ALAD: variants seen among roughly 807,000 people sequenced by gnomAD.
The protein encoded by ALAD is delta-aminolevulinic acid dehydratase.
In ALAD, 20 loss-of-function variants were observed where a neutral mutation model predicts 44.4. That is an observed-to-expected ratio of 0.45 (90% CI 0.32 to 0.65). The LOEUF is 0.65. ALAD is among the 30% of genes least tolerant of loss of function. ALAD has a pLI of 0.05. For missense variants in ALAD, 323 were observed against 445.7 expected (o/e 0.72, Z 2.48); for synonymous variants, 156 against 167.9 (o/e 0.93, Z 0.55).
rs954642797 is a variant in ALAD at position 113,390,850 on chromosome 9, G to A, written c.345C>T (p.Leu115=). 6.2e-7 allele frequency: 1 copy of A among 1,614,014 alleles called. No individual in the cohort carries two copies. Among genetic ancestry groups the A allele is most frequent in the South Asian group, 1.1e-5 (1 of 91,052 alleles). Residue 115 remains leucine, a synonymous_variant, in exon 5 of 12, where the codon CTC becomes CTT. Coordinates refer to ENST00000409155, the MANE Select transcript of ALAD (RefSeq NM_000031.6). ...IHLLRKTFPN[L]LVACDVCLCP... ...ACAGGCAGACATCACAGGCCACCAG[G>A]AGGTTGGGGAAGGTCTTCCTCAACA...
chr9:113,393,144 C>T (rs1827640404), intron 2 of ALAD: 11 of 416,946 alleles, frequency 2.6e-5, no homozygotes, highest in South Asian at 2.2e-4. Context: ...CTTACAGGTA[C>T]ATAGCACTTT....
At chr9:113,400,767 A>AG (rs1253142007) in intron 1 of ALAD, among the ~76,000 whole-genome samples, 1 of 152,184 alleles carries the variant, frequency 6.6e-6, no homozygotes, top group Non-Finnish European at 1.5e-5. Context: ...GGTTGCAGTG[A>AG]GCTGAGATCG....
Position 113,389,119 on chromosome 9 carries a change from A to G in ALAD, c.802-13T>C. On this transcript the variant is annotated splice_polypyrimidine_tract_variant and intron_variant, in intron 10 of 11. Transcript: ENST00000409155. ...GGAGGTCAGGGTGCTGCAGGGAAGC[A>G]GACAGGGAGACAGGCTGAAATGGAG... 1.2e-6 allele frequency: 2 copies of G among 1,613,886 alleles called. No homozygotes were observed. Among genetic ancestry groups the G allele is most frequent in the Non-Finnish European group, 1.7e-6 (2 of 1,180,024 alleles).
Position 113,389,104 on chromosome 9 carries a change from G to A in ALAD, c.804C>T (p.His268=), listed in dbSNP as rs779094672. The change falls in exon 11 of 12, where the codon CAC becomes CAT. Residue 268 remains histidine, a splice_region_variant and synonymous_variant. Transcript: ENST00000409155. Reference sequence around the variant, plus strand: ...GGTACACGGCGAGAGGGAGGTCAGGGTGCTGCAGGGAAGCAGACAGGGAGA... The same window carrying A: ...GGTACACGGCGAGAGGGAGGTCAGGATGCTGCAGGGAAGCAGACAGGGAGA... ...LDIVREVKDK[H]PDLPLAVYHV... is the part of the protein sequence containing the mutation. 2 of 1,613,998 alleles carry A rather than the reference G, an allele frequency of 1.2e-6. No individual in the cohort carries two copies. The highest frequency in any genetic ancestry group is 1.7e-6 in the Non-Finnish European group (2 of 1,180,040).
intron 3 of ALAD, 57 bp downstream of exon 3, chr9:113,392,062 C>T: frequency 6.7e-7 from 1 of 1,488,662 alleles, no homozygotes; most frequent in South Asian, 1.2e-5. Context: ...CCAGCACTTC[C>T]ACCTGTGGAA....
Position 113,387,250 on chromosome 9 carries a change from G to A in ALAD, c.*1050C>T, listed in dbSNP as rs1304856542. 1 of 152,184 alleles carries A rather than the reference G, an allele frequency of 6.6e-6. No homozygotes were observed. The highest frequency in any genetic ancestry group is 1.5e-5 in the Non-Finnish European group (1 of 68,074). The allele number at this position is 152,184 out of a possible 1,614,324, so 9.4% of individuals were successfully genotyped here. The stretch of plus-strand genomic sequence containing the variant: ...CTCCCTGGAATGCTCTTCCCCAATT[G>A]TCTTAGCTTGATGGCTCACCCTTCA... On this transcript the variant is annotated 3_prime_UTR_variant, in exon 12 of 12. Transcript: ENST00000409155.
intron 11 of ALAD, 58 bp from the exon 12 acceptor site, chr9:113,388,419 C>A (rs906141027): frequency 2.6e-6 from 4 of 1,544,652 alleles, no homozygotes; most frequent in Non-Finnish European, 3.6e-6. Context: ...TCTGAGCACA[C>A]CTTCTGCGAT....
intron 2 of ALAD, 157 bp downstream of exon 2, chr9:113,393,290 C>T (rs995348020): frequency 3.5e-5 from 24 of 691,850 alleles, no homozygotes; most frequent in South Asian, 3.4e-4. Context: ...GATTCCTGTC[C>T]TTAATCCAAG....
At chr9:113,393,782 C>A (rs775147498) in intron 1 of ALAD, 148 bp from the exon 2 acceptor site, 13 of 517,606 alleles carry the variant, frequency 2.5e-5, no homozygotes, top group East Asian at 2.9e-5. Flanking sequence ...TGCTGGTCAA[C>A]AAGGTAAGTT....
rs367719995 is a variant in ALAD at position 113,388,241 on chromosome 9, T to G, written c.*59A>C. On this transcript the variant is annotated 3_prime_UTR_variant, in exon 12 of 12. Transcript: ENST00000409155. ...AAGCAGCATTTACTTTGGTTTTCAC[T>G]TGTCTGAGGCCCCGGGAACGTTTTA... The G allele has an allele frequency of 6.4e-7, 1 of 1,570,794 alleles. No homozygotes were observed. The highest frequency in any genetic ancestry group is 1.7e-5 in the Admixed American group (1 of 59,956).
At chr9:113,394,327 C>T (rs1429160354) in intron 1 of ALAD, among the ~76,000 whole-genome samples, 1 of 150,762 alleles carries the variant, frequency 6.6e-6, no homozygotes, top group Non-Finnish European at 1.5e-5. Flanking sequence ...GGCTTGAGCC[C>T]AAGAGTTCGA....
At chr9:113,394,465 G>A (rs149863069) in intron 1 of ALAD, among the ~76,000 whole-genome samples, 2,135 of 151,794 alleles carry the variant, frequency 0.014, 53 homozygotes, top group African/African-American at 0.049. Context: ...TTGAGCCCAG[G>A]AGTTCAAGGT....
Position 113,389,767 on chromosome 9 carries a change from G to A in ALAD, c.626+6C>T, listed in dbSNP as rs779253166. On this transcript the variant is annotated splice_donor_region_variant and intron_variant, in intron 8 of 11. Transcript: ENST00000409155. The stretch of plus-strand genomic sequence containing the variant: ...TCACAGCAGACCCCTGCCCACCCCT[G>A]CTCACCGGAAAGGGCCATAGAAACA... The A allele has an allele frequency of 6.2e-7, 1 of 1,614,250 alleles. No homozygotes were observed. The highest frequency in any genetic ancestry group is 8.5e-7 in the Non-Finnish European group (1 of 1,180,038).
At chr9:113,394,554 TATTGC>T (rs1386764181) in intron 1 of ALAD, among the ~76,000 whole-genome samples, 1 of 151,518 alleles carries the variant, frequency 6.6e-6, no homozygotes, top group Non-Finnish European at 1.5e-5. Context: ...ATAATAATTT[TATTGC>T]ATTGCATTTT....
At chr9:113,388,455 TA>T in intron 11 of ALAD, 94 bp from the exon 12 acceptor site, 2 of 1,195,364 alleles carry the variant, frequency 1.7e-6, no homozygotes, top group Non-Finnish European at 2.5e-6. Flanking sequence ...GGAAGAAGGC[TA>T]CCATGAAGAA....
Position 113,390,588 on chromosome 9 carries a change from C to G in ALAD, c.481+5G>C. The G allele has an allele frequency of 6.2e-7, 1 of 1,614,052 alleles. No homozygotes were observed. On this transcript the variant is annotated splice_donor_5th_base_variant and intron_variant, in intron 6 of 11. Coordinates refer to ENST00000409155, the MANE Select transcript of ALAD (RefSeq NM_000031.6). ...GGTGCCCATCCCTGCTGGTGGTTCACTCACCTGCCTTGGCATACGCCAATG... is the reference window on the plus strand; with the variant it reads ...GGTGCCCATCCCTGCTGGTGGTTCAGTCACCTGCCTTGGCATACGCCAATG...
In ALAD at chr9:113,390,898, G is replaced by A. The variant is rs1037027498; in HGVS notation, c.297C>T (p.Ser99=). ...ACAGATGGATTGCCTCAATAGCTGG[G>A]GACTCCTCGGAGTCAGCTGCGGAAC... ...ERGSAADSEE[S]PAIEAIHLLR... is the part of the protein sequence containing the mutation. The change falls in exon 5 of 12, where the codon TCC becomes TCT. Residue 99 remains serine, a synonymous_variant. Transcript: ENST00000409155. 10 of 1,614,030 alleles carry A rather than the reference G, an allele frequency of 6.2e-6. No homozygotes were observed. Among genetic ancestry groups the A allele is most frequent in the Admixed American group, 5.0e-5 (3 of 60,006 alleles).
intron 1 of ALAD, among the ~76,000 whole-genome samples, chr9:113,400,451 G>A (rs1827824932): frequency 6.6e-6 from 1 of 152,214 alleles, no homozygotes; most frequent in South Asian, 2.1e-4. Context: ...TAGTTCTGTA[G>A]CTTTCTAGTT....
rs751722843 is a variant in ALAD, at chr9:113,388,279, T to C, written c.*21A>G. ...CGGGAACGTTTTAAAGTTCTAGTTC[T>C]TGGGCCTGGCACTGTCTCCATCATT... On this transcript the variant is annotated 3_prime_UTR_variant, in exon 12 of 12. Transcript: ENST00000409155. 1 of 1,613,870 alleles carries C rather than the reference T, an allele frequency of 6.2e-7. No individual in the cohort carries two copies. Among genetic ancestry groups the C allele is most frequent in the East Asian group, 2.2e-5 (1 of 44,888 alleles).
Sources: allele counts gnomAD v4.1 joint callset (sites outside exome capture counted in the v4.1 genomes callset), GRCh38; gene constraint gnomAD v4.1.1; transcripts MANE v1.5; gene names NCBI Gene and HGNC (gene_info 2026-07-23, HGNC 2026-07-21).